The following UBE2F variants were observed in gnomAD, a reference collection of about 807,000 sequenced individuals.
UBE2F encodes the protein ubiquitin conjugating enzyme E2 F (putative), also known as NEDD8-conjugating enzyme UBE2F.
Under a neutral mutation model 29.6 loss-of-function variants are expected in UBE2F, and 5 were observed. The observed-to-expected ratio is 0.17, with a 90% CI of 0.09 to 0.36. UBE2F has a LOEUF of 0.36. Among genes scored for constraint, UBE2F ranks in the 10% least tolerant of loss-of-function variants. The pLI, the probability that UBE2F is intolerant of heterozygous loss-of-function variation, is 1.00. For synonymous variants in UBE2F, 66 were observed against 81.8 expected (o/e 0.81, Z 1.04); for missense variants, 141 against 228.5 (o/e 0.62, Z 2.47).
intron 3 of UBE2F, among the ~76,000 whole-genome samples, chr2:237,991,280 C>T (rs1395205430): frequency 1.3e-5 from 2 of 152,146 alleles, no homozygotes; most frequent in Non-Finnish European, 2.9e-5. Flanking sequence ...AAAGAGAAAA[C>T]AAGAAACCAC....
At chr2:238,033,503 C>T (rs1198941675) in intron 8 of UBE2F, among the ~76,000 whole-genome samples, 1 of 152,154 alleles carries the variant, frequency 6.6e-6, no homozygotes, top group African/African-American at 2.4e-5. Flanking sequence ...GGCCAGGTGT[C>T]ATGTGGGTCA....
intron 4 of UBE2F, among the ~76,000 whole-genome samples, chr2:238,007,441 G>T (rs1305685131): frequency 1.3e-5 from 2 of 152,138 alleles, no homozygotes; most frequent in Non-Finnish European, 2.9e-5. Context: ...GGTTTTTGCA[G>T]ATGCCCTTTA....
intron 2 of UBE2F, among the ~76,000 whole-genome samples, chr2:237,977,871 A>C (rs1025607783): frequency 2.0e-5 from 3 of 152,132 alleles, no homozygotes; most frequent in Admixed American, 2.0e-4. Flanking sequence ...AGAAATTTGT[A>C]TCAATATGTC....
intron 4 of UBE2F, among the ~76,000 whole-genome samples, chr2:238,009,895 G>A (rs1018385870): frequency 6.6e-6 from 1 of 152,108 alleles, no homozygotes; most frequent in African/African-American, 2.4e-5. Flanking sequence ...TTCCAGTGTA[G>A]AATATAAATA....
chr2:237,981,171 G>T (rs1010649457), intron 2 of UBE2F, among the ~76,000 whole-genome samples: 6 of 152,152 alleles, frequency 3.9e-5, no homozygotes, highest in Non-Finnish European at 2.9e-5. Flanking sequence ...TAGGTGGGTG[G>T]CGTTCTTCAG....
At position 238,018,359 on chromosome 2, in the gene UBE2F, C is replaced by A. The variant is rs1198096031; in HGVS notation, c.282+1726C>A. 3.9e-5 allele frequency among the ~76,000 whole-genome samples: 6 copies of A among 152,148 alleles called. No individual in the cohort carries two copies. In the East Asian group the frequency reaches 1.2e-3, roughly 29 times the overall value. The stretch of plus-strand genomic sequence containing the variant: ...AGTTAAGTCTAAGCTGATAAACTTT[C>A]CAGACAAGTCGTGAGGCATCAGAGA... On this transcript the variant is annotated intron_variant, in intron 5 of 9. Transcript: ENST00000272930.
Position 237,977,293 on chromosome 2 carries a change from C to G in UBE2F, c.118+4068C>G, listed in dbSNP as rs571810834. ...TTGAGGCTACCATTTCCATCCTCCC[C>G]AGGCACTGGTAGCGATTAAGTTTCA... On this transcript the variant is annotated intron_variant, in intron 2 of 9. Coordinates refer to ENST00000272930, the MANE Select transcript of UBE2F (RefSeq NM_080678.3). Among the ~76,000 whole-genome samples, 40 of 152,322 alleles carry G rather than the reference C, an allele frequency of 2.6e-4. No homozygotes were observed. The South Asian group carries it at 7.7e-3, about 29-fold the overall frequency.
chr2:238,027,840 G>C (rs1272259503), intron 6 of UBE2F, among the ~76,000 whole-genome samples: 1 of 152,190 alleles, frequency 6.6e-6, no homozygotes, highest in Non-Finnish European at 1.5e-5. Flanking sequence ...GGCTCCACAG[G>C]CCTTTCAGTG....
At chr2:238,023,977 G>T (rs951176437) in intron 5 of UBE2F, among the ~76,000 whole-genome samples, 2 of 152,160 alleles carry the variant, frequency 1.3e-5, no homozygotes, top group African/African-American at 4.8e-5. Context: ...AGCAACCTGA[G>T]GGCCCAGAGG....
At chr2:238,000,872 C>CT (rs1483318300) in intron 4 of UBE2F, among the ~76,000 whole-genome samples, 1 of 152,160 alleles carries the variant, frequency 6.6e-6, no homozygotes, top group East Asian at 1.9e-4. Flanking sequence ...CTCATTATAA[C>CT]TTTAACTTGC....
intron 1 of UBE2F, among the ~76,000 whole-genome samples, chr2:237,969,111 T>C (rs2063120392): frequency 6.6e-6 from 1 of 152,212 alleles, no homozygotes; most frequent in Admixed American, 6.5e-5. Context: ...AGTACATTTT[T>C]TATTACTTTC....
intron 1 of UBE2F, among the ~76,000 whole-genome samples, chr2:237,969,364 C>A (rs1439154846): frequency 6.6e-6 from 1 of 152,142 alleles, no homozygotes; most frequent in Admixed American, 6.5e-5. Flanking sequence ...TCTCTCTCCC[C>A]AGGCTTCCCT....
At chr2:238,028,785 C>T (rs1165389865) in intron 6 of UBE2F, among the ~76,000 whole-genome samples, 2 of 152,010 alleles carry the variant, frequency 1.3e-5, no homozygotes, top group African/African-American at 4.8e-5. Context: ...TAAACATGCT[C>T]TAATTCAAAA....
intron 3 of UBE2F, 65 bp from the exon 4 acceptor site, chr2:237,994,679 G>C: frequency 7.5e-7 from 1 of 1,338,930 alleles, no homozygotes; most frequent in Admixed American, 1.7e-5. Context: ...GTGTTCAAAG[G>C]TTAGCGTCAA....
chr2:238,038,813 G>A lies in UBE2F; in HGVS notation c.508-2475G>A, dbSNP rs561470836. Among the ~76,000 whole-genome samples the A allele has an allele frequency of 7.2e-5, 11 of 152,328 alleles. 1 individual carries two copies. The highest frequency in any genetic ancestry group is 2.1e-4 in the South Asian group (1 of 4,832). ...GAGCACCGCATCCTTATGTCCACTC[G>A]TTCATCACTTATTTGGCTGGTGACC... On this transcript the variant is annotated intron_variant, in intron 9 of 9. Transcript: ENST00000272930.
chr2:237,999,804 G>A (rs1194031230), intron 4 of UBE2F, among the ~76,000 whole-genome samples: 2 of 139,996 alleles, frequency 1.4e-5, no homozygotes, highest in African/African-American at 5.4e-5. Flanking sequence ...TAGATGTTAA[G>A]TATTTTGATG....
intron 2 of UBE2F, among the ~76,000 whole-genome samples, chr2:237,975,591 A>G (rs1228570265): frequency 6.6e-6 from 1 of 152,200 alleles, no homozygotes; most frequent in Non-Finnish European, 1.5e-5. Context: ...TGGCCTTCCC[A>G]GACACAAATC....
chr2:238,038,839 A>G (rs990462913), intron 9 of UBE2F, among the ~76,000 whole-genome samples: 20 of 152,222 alleles, frequency 1.3e-4, no homozygotes, highest in African/African-American at 4.6e-4. Flanking sequence ...GCTGGTGACC[A>G]CTTATGTGCC....
chr2:237,987,490 A>G (rs1431410286), intron 2 of UBE2F, among the ~76,000 whole-genome samples: 2 of 152,150 alleles, frequency 1.3e-5, no homozygotes, highest in African/African-American at 4.8e-5. Flanking sequence ...CACCAAATGA[A>G]TGGCTCGTGG....
Sources: allele counts gnomAD v4.1 joint callset (sites outside exome capture counted in the v4.1 genomes callset), GRCh38; gene constraint gnomAD v4.1.1; transcripts MANE v1.5; gene names NCBI Gene and HGNC (gene_info 2026-07-23, HGNC 2026-07-21).